Variants in ROCK1 observed in about 807,000 individuals in gnomAD.
The protein encoded by ROCK1 is rho-associated protein kinase 1.
Under a neutral mutation model 196.8 loss-of-function variants are expected in ROCK1, and 36 were observed. The observed-to-expected ratio is 0.18, with a 90% CI of 0.14 to 0.24. The LOEUF is 0.24. Among genes scored for constraint, ROCK1 ranks in the 10% least tolerant of loss-of-function variants. The probability of loss-of-function intolerance (pLI) is 1.00; values close to 1 mark genes in which losing one functional copy is unlikely to be tolerated. For missense variants in ROCK1, 920 were observed against 1,562.0 expected, an observed-to-expected ratio of 0.59 and a Z score of 6.93; for synonymous variants, 443 against 515.9, an observed-to-expected ratio of 0.86 and a Z score of 1.91.
chr18:21,080,084 G>A (rs1008216452), intron 1 of ROCK1, among the ~76,000 whole-genome samples: 2 of 152,094 alleles, frequency 1.3e-5, no homozygotes, highest in Non-Finnish European at 2.9e-5. Flanking sequence ...GTGTGTTCCT[G>A]TAGTTTTTTT....
At chr18:20,994,492 G>T (rs1024708359) in intron 16 of ROCK1, among the ~76,000 whole-genome samples, 1 of 152,160 alleles carries the variant, frequency 6.6e-6, no homozygotes, top group Non-Finnish European at 1.5e-5. Flanking sequence ...GCTGGGTGTG[G>T]TGACACAAGT....
chr18:21,027,413 T>C (rs1449319150), intron 10 of ROCK1, among the ~76,000 whole-genome samples: 1 of 152,204 alleles, frequency 6.6e-6, no homozygotes, highest in Non-Finnish European at 1.5e-5. Context: ...GTGGAATGAA[T>C]GAATGCTCAG....
At chr18:21,006,158 C>T (rs2035766614) in intron 16 of ROCK1, among the ~76,000 whole-genome samples, 193 bp downstream of exon 16, 1 of 152,092 alleles carries the variant, frequency 6.6e-6, no homozygotes. Flanking sequence ...ATGGATAAAC[C>T]TTGAAGACAT....
chr18:21,104,668 G>A (rs1252046467), intron 1 of ROCK1, among the ~76,000 whole-genome samples: 1 of 152,148 alleles, frequency 6.6e-6, no homozygotes, highest in Non-Finnish European at 1.5e-5. Context: ...CACCCACAGG[G>A]TGCCTGTAGT....
chr18:21,045,192 T>C, intron 5 of ROCK1, 100 bp downstream of exon 5: 1 of 1,090,834 alleles, frequency 9.2e-7, no homozygotes, highest in Non-Finnish European at 1.3e-6. Context: ...ACTTATGTCA[T>C]ACGGAAGAAG....
At chr18:21,065,361 GT>G (rs921823616) in intron 2 of ROCK1, among the ~76,000 whole-genome samples, 41 of 146,666 alleles carry the variant, frequency 2.8e-4, no homozygotes, top group South Asian at 4.3e-4. Context: ...TATCAGTTCT[GT>G]TTTTTTTTTA....
rs1452142606 is a variant in ROCK1, at chr18:21,055,537, T to C, written c.176-5657A>G. ...TATTTTGTCTTTTCATATTTTACTA[T>C]GGGAGACTACTTCTATCTTAACTTA... is the stretch of plus-strand genomic sequence containing the variant. On this transcript the variant is annotated intron_variant, in intron 2 of 32. Transcript: ENST00000399799. 6.6e-5 allele frequency among the ~76,000 whole-genome samples: 10 copies of C among 152,214 alleles called. No individual in the cohort carries two copies. In the East Asian group the frequency reaches 1.3e-3, roughly 21 times the overall value.
intron 1 of ROCK1, among the ~76,000 whole-genome samples, chr18:21,097,288 G>A (rs1004914018): frequency 6.6e-6 from 1 of 152,110 alleles, no homozygotes; most frequent in South Asian, 2.1e-4. Context: ...TTTGGATTTG[G>A]GTAGTGCAGC....
intron 27 of ROCK1, among the ~76,000 whole-genome samples, chr18:20,962,513 A>G (rs575486137): frequency 3.7e-4 from 56 of 152,268 alleles, no homozygotes; most frequent in Admixed American, 3.6e-3. Context: ...AATGTCAAAA[A>G]TATTTATGCT....
Position 21,111,355 on chromosome 18 carries a change from G to C in ROCK1, c.-445C>G. The C allele has an allele frequency of 2.3e-6, 1 of 434,810 alleles. No individual in the cohort carries two copies. Among genetic ancestry groups the C allele is most frequent in the Non-Finnish European group, 4.0e-6 (1 of 247,956 alleles). 26.9% of individuals were successfully genotyped at this position (434,810 alleles called of 1,614,324 possible). ...GAGGAAAGGCGAAAGCAAAGGGCGG[G>C]TGAGGAGCTGTGCCAGCTGCGGCCG... is the stretch of plus-strand genomic sequence containing the variant. On this transcript the variant is annotated 5_prime_UTR_variant, in exon 1 of 33. Coordinates refer to ENST00000399799, the MANE Select transcript of ROCK1 (RefSeq NM_005406.3). This position sits in a 1 kb window ranked among gnomAD's most constrained non-coding sequence, Gnocchi z 4.2.
chr18:21,049,412 T>C (rs553619422), intron 3 of ROCK1, among the ~76,000 whole-genome samples, 183 bp from the exon 4 acceptor site: 1 of 152,342 alleles, frequency 6.6e-6, no homozygotes, highest in South Asian at 2.1e-4. Context: ...ACTTTAATTA[T>C]CAGAAGTAAT....
At chr18:21,000,160 A>C (rs1463356267) in intron 16 of ROCK1, among the ~76,000 whole-genome samples, 1 of 151,724 alleles carries the variant, frequency 6.6e-6, no homozygotes, top group African/African-American at 2.4e-5. Context: ...GAACAAAACA[A>C]AACAGTGTGG....
At chr18:21,071,812 T>C (rs1235775678) in intron 1 of ROCK1, among the ~76,000 whole-genome samples, 1 of 152,200 alleles carries the variant, frequency 6.6e-6, no homozygotes, top group Non-Finnish European at 1.5e-5. Context: ...ATTTACATGA[T>C]ACCGTTGGGA....
chr18:21,018,061 TA>T (rs2035879824), intron 12 of ROCK1, among the ~76,000 whole-genome samples: 2 of 152,180 alleles, frequency 1.3e-5, no homozygotes. Context: ...GTTTTTATTT[TA>T]AAAACTATTT....
intron 32 of ROCK1, chr18:20,953,365 CACAG>C (rs775127868): frequency 2.3e-5 from 9 of 396,606 alleles, no homozygotes; most frequent in Non-Finnish European, 4.1e-5. Context: ...TAAAATTAGA[CACAG>C]AACTAAATAA....
chr18:21,074,073 G>A (rs2036409984), intron 1 of ROCK1, among the ~76,000 whole-genome samples: 1 of 152,240 alleles, frequency 6.6e-6, no homozygotes, highest in Admixed American at 6.5e-5. Flanking sequence ...CAGGAAGATC[G>A]CTTGAGCCCA....
intron 9 of ROCK1, among the ~76,000 whole-genome samples, chr18:21,034,739 A>C (rs564703730): frequency 6.6e-6 from 1 of 152,340 alleles, no homozygotes; most frequent in East Asian, 1.9e-4. Context: ...TTTGGCAATG[A>C]TTTCTTAAAT....
chr18:21,033,328 C>T (rs2036026646), intron 9 of ROCK1, among the ~76,000 whole-genome samples: 1 of 152,168 alleles, frequency 6.6e-6, no homozygotes, highest in Non-Finnish European at 1.5e-5. Flanking sequence ...TAGAGAGGAA[C>T]TTCCTCAATA....
At chr18:21,062,851 T>A (rs1390670072) in intron 2 of ROCK1, among the ~76,000 whole-genome samples, 1 of 152,152 alleles carries the variant, frequency 6.6e-6, no homozygotes, top group Non-Finnish European at 1.5e-5. Flanking sequence ...CAAGTCAGTA[T>A]CCAACGTCTA....
Sources: gnomAD v4.1 joint callset for allele counts (sites outside exome capture counted in the v4.1 genomes callset) on GRCh38, gnomAD v4.1.1 for gene constraint, Gnocchi (gnomAD v3.1) non-coding constraint, MANE v1.5 for transcripts, NCBI Gene and HGNC (gene_info 2026-07-23, HGNC 2026-07-21) for gene names.